ARHGAP44: variants seen among roughly 807,000 people sequenced by gnomAD.
ARHGAP44 encodes Rho GTPase activating protein 44, also known as rho GTPase-activating protein 44.
In ARHGAP44, 43 loss-of-function variants were observed where a neutral mutation model predicts 106.8. That is an observed-to-expected ratio of 0.40 (90% CI 0.32 to 0.52). The LOEUF (loss-of-function observed/expected upper bound fraction) is 0.52. ARHGAP44 is among the 20% of genes least tolerant of loss of function. The probability of loss-of-function intolerance (pLI) is 0.48; values close to 1 mark genes in which losing one functional copy is unlikely to be tolerated. For missense variants in ARHGAP44, 866 were observed against 1,050.5 expected (o/e 0.82, Z 2.43); for synonymous variants, 439 against 410.3 (o/e 1.07, Z -0.85).
chr17:12,850,714 G>A (rs1382308641), intron 1 of ARHGAP44, among the ~76,000 whole-genome samples: 1 of 152,130 alleles, frequency 6.6e-6, no homozygotes, highest in Non-Finnish European at 1.5e-5. Context: ...GTCTACCTGG[G>A]TCCACATAGA....
At chr17:12,841,577 G>GTC (rs1567642111) in intron 1 of ARHGAP44, among the ~76,000 whole-genome samples, 1 of 120,246 alleles carries the variant, frequency 8.3e-6, no homozygotes, top group African/African-American at 4.2e-5. Context: ...GTGAGACCCT[G>GTC]TCTCTCTGTC....
intron 7 of ARHGAP44, among the ~76,000 whole-genome samples, chr17:12,938,803 G>A (rs1297249822): frequency 6.6e-6 from 1 of 152,172 alleles, no homozygotes; most frequent in African/African-American, 2.4e-5. Flanking sequence ...TTCCTTACTT[G>A]AAGTGTGATT....
intron 1 of ARHGAP44, among the ~76,000 whole-genome samples, chr17:12,827,600 A>G (rs62060427): frequency 0.048 from 7,246 of 152,194 alleles, 213 homozygotes; most frequent in African/African-American, 0.087. Context: ...ATGTATATCT[A>G]TGTATGTTTA....
intron 1 of ARHGAP44, among the ~76,000 whole-genome samples, chr17:12,851,881 G>T (rs538979052): frequency 6.2e-4 from 95 of 152,110 alleles, no homozygotes; most frequent in African/African-American, 2.2e-3. Context: ...GAGTCGAAAG[G>T]AGGCCAGGGA....
chr17:12,877,002 A>G (rs2036577766), intron 1 of ARHGAP44, among the ~76,000 whole-genome samples: 1 of 151,992 alleles, frequency 6.6e-6, no homozygotes, highest in Admixed American at 6.6e-5. Flanking sequence ...GTAGAAAGGG[A>G]CCAATAGTTG....
intron 1 of ARHGAP44, among the ~76,000 whole-genome samples, chr17:12,809,644 G>A (rs1391401849): frequency 6.6e-6 from 1 of 152,116 alleles, no homozygotes; most frequent in African/African-American, 2.4e-5. Context: ...ATGAGATTTG[G>A]GTGGGGACAC....
Position 12,984,776 on chromosome 17 carries a change from A to G in ARHGAP44, c.2185A>G (p.Thr729Ala). ...FTSTLSKSRP[T>A]PKPRQRPTLP... ...AAGCACTTTGAGCAAATCGCGGCCC[A>G]CTCCTAAGCCGCGACAGAGACCTAC... The change falls in exon 20 of 21, where the codon ACT (threonine) becomes GCT (alanine). Residue 729 changes from threonine to alanine, a missense_variant. By Grantham distance (58) the Thr-to-Ala change is moderately conservative (BLOSUM62 0). This residue lies in a region of ARHGAP44 where 418 missense variants were observed against 403.6 expected (regional missense o/e 1.04). Transcript: ENST00000379672. 3 of 1,613,178 alleles carry G rather than the reference A, an allele frequency of 1.9e-6. No individual in the cohort carries two copies. The highest frequency in any genetic ancestry group is 2.5e-6 in the Non-Finnish European group (3 of 1,179,728).
chr17:12,831,786 T>C (rs2035096853), intron 1 of ARHGAP44, among the ~76,000 whole-genome samples: 1 of 152,146 alleles, frequency 6.6e-6, no homozygotes. Context: ...TAAGAAACAA[T>C]GGTCAGGGGC....
At chr17:12,841,706 AC>A (rs368171225) in intron 1 of ARHGAP44, among the ~76,000 whole-genome samples, 102 of 151,830 alleles carry the variant, frequency 6.7e-4, no homozygotes, top group African/African-American at 2.3e-3. Context: ...CTCCATTCTT[AC>A]TTTCTCCACT....
chr17:12,886,975 G>GT lies in ARHGAP44; in HGVS notation c.54-7953dup, dbSNP rs869233279. 6.7e-3 allele frequency among the ~76,000 whole-genome samples: 727 copies of GT among 108,980 alleles called. 9 individuals are homozygous for GT. Among genetic ancestry groups the GT allele is most frequent in the Middle Eastern group, 0.017 (4 of 230 alleles). 71.5% of individuals were successfully genotyped at this position (108,980 alleles called of 152,430 possible). A position where few individuals can be genotyped will look rare whatever the true frequency, so the allele number is the denominator to read the frequency against. On this transcript the variant is annotated intron_variant, in intron 1 of 20. Transcript: ENST00000379672. ...CTAGTTTTCTAAGAGTTTTTTTTTT[G>GT]TTTTTTTTTTTTACCATGAATGGGT...
intron 16 of ARHGAP44, among the ~76,000 whole-genome samples, chr17:12,961,277 C>G (rs1271189058): frequency 6.6e-6 from 1 of 152,204 alleles, no homozygotes. Context: ...GATACCTTAT[C>G]TCTGATAAAG....
At chr17:12,876,126 C>G (rs1467122027) in intron 1 of ARHGAP44, among the ~76,000 whole-genome samples, 1 of 152,176 alleles carries the variant, frequency 6.6e-6, no homozygotes, top group Non-Finnish European at 1.5e-5. Flanking sequence ...CTCTTTTTAT[C>G]AGGCCCCTGC....
chr17:12,871,228 C>A (rs945348617), intron 1 of ARHGAP44, among the ~76,000 whole-genome samples: 1 of 152,156 alleles, frequency 6.6e-6, no homozygotes, highest in Non-Finnish European at 1.5e-5. Flanking sequence ...CATCAACTCT[C>A]ACGTCAAATT....
chr17:12,915,047 A>C (rs1409358160), intron 4 of ARHGAP44, among the ~76,000 whole-genome samples: 1 of 151,934 alleles, frequency 6.6e-6, no homozygotes, highest in African/African-American at 2.4e-5. Flanking sequence ...TTGTTTGTTT[A>C]TGTGTTTTTG....
chr17:12,857,768 A>ATTTG (rs2035954534), intron 1 of ARHGAP44, among the ~76,000 whole-genome samples: 3 of 1,836 alleles, frequency 1.6e-3, no homozygotes, highest in African/African-American at 4.3e-3. Flanking sequence ...TGCCCATGTT[A>ATTTG]TTTATTTATT....
chr17:12,971,758 C>T (rs2039533131), intron 16 of ARHGAP44, among the ~76,000 whole-genome samples: 1 of 152,136 alleles, frequency 6.6e-6, no homozygotes, highest in Non-Finnish European at 1.5e-5. Flanking sequence ...AGAGACATCC[C>T]TCCCCTTTCC....
At chr17:12,948,767 T>C (rs532763193) in intron 10 of ARHGAP44, among the ~76,000 whole-genome samples, 3 of 69,652 alleles carry the variant, frequency 4.3e-5, no homozygotes, top group Non-Finnish European at 8.6e-5. Context: ...GTAGACCTCC[T>C]CACATTCAAC....
At position 12,990,209 on chromosome 17, in the gene ARHGAP44, C is replaced by T. The variant is rs1179825354; in HGVS notation, c.*38C>T. 1.3e-6 allele frequency: 2 copies of T among 1,584,392 alleles called. No homozygotes were observed. Among genetic ancestry groups the T allele is most frequent in the Non-Finnish European group, 1.7e-6 (2 of 1,156,666 alleles). On this transcript the variant is annotated 3_prime_UTR_variant, in exon 21 of 21. Transcript: ENST00000379672. ...CATCCTGCCTCGCGTGTACATACAT[C>T]ACGGGCCCTAGGAACGCCGCCAGGA... is the stretch of plus-strand genomic sequence containing the variant.
intron 1 of ARHGAP44, among the ~76,000 whole-genome samples, chr17:12,871,049 A>G (rs1450878248): frequency 1.3e-5 from 2 of 151,714 alleles, no homozygotes; most frequent in Admixed American, 1.3e-4. Context: ...TACAATTTAC[A>G]TTTCTTGTTT....
Sources: allele counts gnomAD v4.1 joint callset (sites outside exome capture counted in the v4.1 genomes callset), GRCh38; gene constraint gnomAD v4.1.1; regional missense constraint gnomAD v4.1.1; transcripts MANE v1.5; gene names NCBI Gene and HGNC (gene_info 2026-07-23, HGNC 2026-07-21).